GALNT6: variants seen among roughly 807,000 people sequenced by gnomAD.
GALNT6 encodes GalNAc transferase 6.
GALNT6 carries 51 observed loss-of-function variants against 65.9 expected under a neutral mutation model. The ratio of observed to expected loss-of-function variants is 0.77; its 90% CI spans 0.62 to 0.98. GALNT6 has a LOEUF of 0.98. Ranked by LOEUF, GALNT6 falls within the 50% of genes least tolerant of loss-of-function variation. GALNT6 has a pLI of 0.00. For missense variants in GALNT6, 708 were observed against 803.3 expected (o/e 0.88, Z 1.43); for synonymous variants, 323 against 315.1 (o/e 1.02, Z -0.26).
chr12:51,367,438 C>CA (rs2137629013), intron 4 of GALNT6, among the ~76,000 whole-genome samples: 1 of 152,222 alleles, frequency 6.6e-6, no homozygotes, highest in Admixed American at 6.5e-5. Context: ...TGTCTCAAAA[C>CA]AAAAAACAAA....
intron 4 of GALNT6, among the ~76,000 whole-genome samples, chr12:51,373,675 C>T (rs748227629): frequency 3.3e-5 from 5 of 152,130 alleles, no homozygotes; most frequent in African/African-American, 4.8e-5. Context: ...GAGGAAGGAC[C>T]GCTAATATGC....
At chr12:51,360,585 G>C (rs1172932053) in intron 7 of GALNT6, 136 bp downstream of exon 7, 1 of 669,636 alleles carries the variant, frequency 1.5e-6, no homozygotes, top group Non-Finnish European at 2.8e-6. Context: ...AAGAGGAAGA[G>C]ACACACTGGG....
At chr12:51,384,809 CAGG>C (rs1201296114) in intron 2 of GALNT6, among the ~76,000 whole-genome samples, 1 of 151,976 alleles carries the variant, frequency 6.6e-6, no homozygotes, top group Non-Finnish European at 1.5e-5. Context: ...TGCTTGAGCC[CAGG>C]AGGTTGAGGC....
Position 51,358,136 on chromosome 12 carries a change from A to ATAGAAGGTGGGC in GALNT6, c.1482_1493dup (p.Phe497_Tyr498insTer). On this transcript the variant is annotated stop_gained, in exon 9 of 12. Transcript: ENST00000356317. LOFTEE classifies it high-confidence loss of function. ...GTTGGTTCTCAAGACTTACGGCACC[A>ATAGAAGGTGGGC]TAGAAGGTGGGCGTCAGGTCAGGAA... 6.2e-7 allele frequency: 1 copy of ATAGAAGGTGGGC among 1,613,714 alleles called. No individual in the cohort carries two copies. Among genetic ancestry groups the ATAGAAGGTGGGC allele is most frequent in the Non-Finnish European group, 8.5e-7 (1 of 1,179,684 alleles).
chr12:51,384,824 G>A (rs1477197759), intron 2 of GALNT6, among the ~76,000 whole-genome samples: 1 of 152,178 alleles, frequency 6.6e-6, no homozygotes, highest in African/African-American at 2.4e-5. Context: ...GGTTGAGGCT[G>A]TAGTTAGTTA....
chr12:51,379,587 T>A lies in GALNT6; in HGVS notation c.195A>T (p.Arg65Ser), dbSNP rs747709175. The A allele has an allele frequency of 1.2e-6, 2 of 1,614,036 alleles. No homozygotes were observed. Among genetic ancestry groups the A allele is most frequent in the South Asian group, 2.2e-5 (2 of 91,084 alleles). Reference protein sequence around the residue: ...DLMLEAMNNLRDSMPKLQIRA... With the variant: ...DLMLEAMNNLSDSMPKLQIRA... ...TGATTTGGAGCTTGGGCATTGAATC[T>A]CTAAGGTTGTTCATGGCCTCCAGCA... Residue 65 changes from arginine to serine, a missense_variant, in exon 3 of 12, where the codon AGA becomes AGT. Coordinates refer to ENST00000356317, the MANE Select transcript of GALNT6 (RefSeq NM_007210.4).
chr12:51,355,824 C>T lies in GALNT6; in HGVS notation c.1737G>A (p.Glu579=), dbSNP rs776491423. 1.2e-6 allele frequency: 2 copies of T among 1,613,556 alleles called. No individual in the cohort carries two copies. The highest frequency in any genetic ancestry group is 1.7e-6 in the Non-Finnish European group (2 of 1,179,760). The change falls in exon 11 of 12, where the codon GAG becomes GAA. Residue 579 remains glutamate, a synonymous_variant. Transcript: ENST00000356317. The part of the protein sequence containing the change: ...TGKNSQVPKD[E]EWELAQDQLI... Reference sequence around the variant, plus strand: ...GACTCACCTGGGCCAATTCCCATTCCTCGTCCTTGGGGACCTGGCTATTCT... The same window carrying T: ...GACTCACCTGGGCCAATTCCCATTCTTCGTCCTTGGGGACCTGGCTATTCT...
At chr12:51,375,639 C>A (rs1047903950) in intron 4 of GALNT6, among the ~76,000 whole-genome samples, 1 of 151,600 alleles carries the variant, frequency 6.6e-6, no homozygotes, top group Non-Finnish European at 1.5e-5. Context: ...CTCACTGCAA[C>A]CTCCGCCTCC....
At position 51,379,278 on chromosome 12, in the gene GALNT6, G is replaced by A; in HGVS notation, c.491+13C>T. ...GCCCTGGTCTCCCCACAAGGACTCT[G>A]GGTGCTACTTACTCAGGTGGTCGGG... On this transcript the variant is annotated intron_variant, in intron 3 of 11. Transcript: ENST00000356317. 2 of 1,519,422 alleles carry A rather than the reference G, an allele frequency of 1.3e-6. No individual in the cohort carries two copies. The highest frequency in any genetic ancestry group is 1.8e-6 in the Non-Finnish European group (2 of 1,136,628). The allele number at this position is 1,519,422 out of a possible 1,614,324, so 94.1% of individuals were successfully genotyped here.
At chr12:51,385,829 C>T (rs572517169) in intron 2 of GALNT6, among the ~76,000 whole-genome samples, 1 of 151,990 alleles carries the variant, frequency 6.6e-6, no homozygotes, top group Non-Finnish European at 1.5e-5. Context: ...GCAGGTGTTC[C>T]ATAAACTTTT....
At chr12:51,377,995 T>G (rs1412127042) in intron 3 of GALNT6, among the ~76,000 whole-genome samples, 3 of 152,168 alleles carry the variant, frequency 2.0e-5, no homozygotes, top group Non-Finnish European at 4.4e-5. Flanking sequence ...ACACTCTATC[T>G]CAGGGTTGGG....
rs772917261 is a variant in GALNT6, at chr12:51,364,343, T to C, written c.827A>G (p.His276Arg). ...AGCCAGGAGGGGCTCCAGCCAGCCGTGGAAGCACTCACCTGCAGGCCCCAA... is the reference window on the plus strand; with the variant it reads ...AGCCAGGAGGGGCTCCAGCCAGCCGCGGAAGCACTCACCTGCAGGCCCCAA... Reference protein sequence around the residue: ...TFLDAHCECFHGWLEPLLARI... With the variant: ...TFLDAHCECFRGWLEPLLARI... Residue 276 changes from histidine (H) to arginine (R), a missense_variant, in exon 6 of 12, where the codon CAC becomes CGC. Transcript: ENST00000356317. 1 of 1,613,702 alleles carries C rather than the reference T, an allele frequency of 6.2e-7. No homozygotes were observed. The highest frequency in any genetic ancestry group is 8.5e-7 in the Non-Finnish European group (1 of 1,179,662).
At chr12:51,373,672 G>C (rs976804166) in intron 4 of GALNT6, among the ~76,000 whole-genome samples, 1 of 152,152 alleles carries the variant, frequency 6.6e-6, no homozygotes, top group Non-Finnish European at 1.5e-5. Flanking sequence ...TGAGAGGAAG[G>C]ACCGCTAATA....
At chr12:51,389,436 A>G (rs1346942533) in intron 2 of GALNT6, among the ~76,000 whole-genome samples, 2 of 152,252 alleles carry the variant, frequency 1.3e-5, no homozygotes, top group Middle Eastern at 3.2e-3. Context: ...AATGTGGCAG[A>G]GGCAGAATTT....
At chr12:51,359,359 C>A (rs1454104350) in intron 7 of GALNT6, 27 bp from the exon 8 acceptor site, 2 of 1,521,018 alleles carry the variant, frequency 1.3e-6, no homozygotes, top group Admixed American at 1.7e-5. Context: ...CAGGATGAGG[C>A]CTTCAGTGGG....
intron 11 of GALNT6, 136 bp downstream of exon 11, chr12:51,355,670 A>G: frequency 3.0e-6 from 2 of 675,508 alleles, no homozygotes; most frequent in South Asian, 3.5e-5. Flanking sequence ...GGGTTTCACC[A>G]TGTTGGCCAG....
At position 51,368,586 on chromosome 12, in the gene GALNT6, T is replaced by G. The variant is rs12579841; in HGVS notation, c.665-3007A>C. On this transcript the variant is annotated intron_variant, in intron 4 of 11. Transcript: ENST00000356317. ...CGCCCCGCTAATTTTTTGTATTTTT[T>G]GTGAAGATGGGGCTTCACCATGTTG... 8.7e-3 allele frequency among the ~76,000 whole-genome samples: 1,315 copies of G among 151,968 alleles called. 56 individuals are homozygous for G. The East Asian group carries it at 0.13, about 15-fold the overall frequency.
At chr12:51,391,102 C>T (rs965367817) in intron 1 of GALNT6, 165 bp from the exon 2 acceptor site, 1 of 152,416 alleles carries the variant, frequency 6.6e-6, no homozygotes, top group Non-Finnish European at 1.5e-5. Context: ...GAGGCTTCTC[C>T]TTGCTGTCCC....
chr12:51,379,519 G>C lies in GALNT6; in HGVS notation c.263C>G (p.Ser88Cys). 6.2e-7 allele frequency: 1 copy of C among 1,614,200 alleles called. No individual in the cohort carries two copies. Among genetic ancestry groups the C allele is most frequent in the Non-Finnish European group, 8.5e-7 (1 of 1,180,026 alleles). The change falls in exon 3 of 12, where the codon TCC becomes TGC. Residue 88 changes from serine (S) to cysteine (C), a missense_variant. By Grantham distance (112) the Ser-to-Cys change is moderately radical. Coordinates refer to ENST00000356317, the MANE Select transcript of GALNT6 (RefSeq NM_007210.4). ...TGGGGTATAGAACCCAGGGAGGCAG[G>C]ACTGGTTTATGGAGAACAGAGTCTG... ...AQQTLFSINQ[S>C]CLPGFYTPAE... is the part of the protein sequence containing the mutation.
Sources: allele counts gnomAD v4.1 joint callset (sites outside exome capture counted in the v4.1 genomes callset), GRCh38; gene constraint gnomAD v4.1.1; transcripts MANE v1.5; gene names NCBI Gene and HGNC (gene_info 2026-07-23, HGNC 2026-07-21).